PTPRG: variants seen among roughly 807,000 people sequenced by gnomAD.
The protein encoded by PTPRG is receptor-type tyrosine-protein phosphatase gamma.
Under a neutral mutation model 165.3 loss-of-function variants are expected in PTPRG, and 102 were observed. That is an observed-to-expected ratio of 0.62 (90% confidence interval 0.53 to 0.73). PTPRG has a LOEUF of 0.73. Ranked by LOEUF, PTPRG falls within the 30% of genes least tolerant of loss-of-function variation. The pLI, the probability that PTPRG is intolerant of heterozygous loss-of-function variation, is 0.00. For missense variants in PTPRG, 1,866 were observed against 1,861.4 expected (o/e 1.00, Z -0.05); for synonymous variants, 675 against 669.5 (o/e 1.01, Z -0.13).
chr3:61,712,428 C>T (rs1320455140), intron 1 of PTPRG, among the ~76,000 whole-genome samples: 1 of 152,002 alleles, frequency 6.6e-6, no homozygotes, highest in Non-Finnish European at 1.5e-5. Context: ...TCTGTATCTC[C>T]ACCCAAATCT....
At chr3:61,725,542 C>G (rs1362413711) in intron 1 of PTPRG, among the ~76,000 whole-genome samples, 2 of 152,164 alleles carry the variant, frequency 1.3e-5, no homozygotes, top group Non-Finnish European at 2.9e-5. Flanking sequence ...CTTCTGGGTT[C>G]TCTATTCTGT....
chr3:61,852,860 G>C (rs72882220), intron 2 of PTPRG, among the ~76,000 whole-genome samples: 3 of 152,166 alleles, frequency 2.0e-5, no homozygotes, highest in Non-Finnish European at 4.4e-5. Flanking sequence ...TCAGTAACGC[G>C]TATGGACATA....
At chr3:61,623,986 C>T (rs1422497642) in intron 1 of PTPRG, among the ~76,000 whole-genome samples, 1 of 152,200 alleles carries the variant, frequency 6.6e-6, no homozygotes, top group African/African-American at 2.4e-5. Flanking sequence ...CTCACTGCCT[C>T]CTTGCATTCA....
At chr3:62,138,101 T>A (rs949941182) in intron 6 of PTPRG, among the ~76,000 whole-genome samples, 3 of 152,230 alleles carry the variant, frequency 2.0e-5, no homozygotes, top group Non-Finnish European at 4.4e-5. Context: ...TAGCAGTTCC[T>A]GGGCCAAATG....
At chr3:61,598,097 G>C (rs11721138) in intron 1 of PTPRG, among the ~76,000 whole-genome samples, 13,361 of 152,208 alleles carry the variant, frequency 0.088, 647 homozygotes, top group Middle Eastern at 0.13. Flanking sequence ...AGGGTTGACC[G>C]GTCTCAGTGG....
rs545837217 is a variant in PTPRG, at chr3:62,140,556, G to A, written c.682+7888G>A. ...CATAGTGATGAAAGTCAGAACAGTG[G>A]GGAGGAGGGGCCGGGTGCAATGGTT... On this transcript the variant is annotated intron_variant, in intron 6 of 29. Coordinates refer to ENST00000474889, the MANE Select transcript of PTPRG (RefSeq NM_002841.4). Among the ~76,000 whole-genome samples the A allele has an allele frequency of 1.1e-4, 17 of 152,222 alleles. 1 individual carries two copies. The East Asian group carries it at 3.3e-3, about 29-fold the overall frequency.
At chr3:62,076,992 C>T (rs1701410173) in intron 4 of PTPRG, among the ~76,000 whole-genome samples, 1 of 152,112 alleles carries the variant, frequency 6.6e-6, no homozygotes, top group Admixed American at 6.5e-5. Context: ...CTAGTCAGGC[C>T]CAGTGGCTCA....
At chr3:61,821,351 A>G (rs2035950701) in intron 2 of PTPRG, among the ~76,000 whole-genome samples, 1 of 151,942 alleles carries the variant, frequency 6.6e-6, no homozygotes, top group Non-Finnish European at 1.5e-5. Flanking sequence ...TTGTATTTTT[A>G]GTAGAGACGG....
At chr3:61,763,540 A>T (rs115770552) in intron 2 of PTPRG, among the ~76,000 whole-genome samples, 150,211 of 150,222 alleles carry the variant, frequency 1, 75,100 homozygotes, top group Middle Eastern at 1. Context: ...TAATTTTTGT[A>T]TTTCTCCTTC....
At chr3:62,116,767 T>C (rs1404224748) in intron 5 of PTPRG, among the ~76,000 whole-genome samples, 1 of 152,118 alleles carries the variant, frequency 6.6e-6, no homozygotes, top group Non-Finnish European at 1.5e-5. Context: ...CAATGAAAAA[T>C]AAAGATAACA....
At chr3:62,292,626 T>C (rs1223592567) in intron 29 of PTPRG, 70 bp downstream of exon 29, 3 of 1,542,032 alleles carry the variant, frequency 1.9e-6, no homozygotes, top group Non-Finnish European at 2.6e-6. Context: ...TTTAGAGCAG[T>C]AGTTCTCAAT....
At chr3:62,155,558 TATA>T (rs1464221383) in intron 6 of PTPRG, among the ~76,000 whole-genome samples, 1 of 152,230 alleles carries the variant, frequency 6.6e-6, no homozygotes, top group Non-Finnish European at 1.5e-5. Flanking sequence ...GCCTCTTGCA[TATA>T]ATAAGTGCTG....
chr3:61,592,303 G>C (rs1456990082), intron 1 of PTPRG, among the ~76,000 whole-genome samples: 1 of 152,140 alleles, frequency 6.6e-6, no homozygotes, highest in Non-Finnish European at 1.5e-5. Flanking sequence ...CTGTATGTCA[G>C]TTCCTAGTTT....
chr3:61,917,895 G>C (rs568233248), intron 2 of PTPRG, among the ~76,000 whole-genome samples: 1 of 152,164 alleles, frequency 6.6e-6, no homozygotes, highest in Non-Finnish European at 1.5e-5. Flanking sequence ...TCACGCCGCT[G>C]CGATCTAGCC....
chr3:61,601,456 G>A (rs1700865965), intron 1 of PTPRG, among the ~76,000 whole-genome samples: 1 of 152,174 alleles, frequency 6.6e-6, no homozygotes, highest in Non-Finnish European at 1.5e-5. Context: ...GAGGAAAATT[G>A]CAACATTATA....
At chr3:61,573,060 G>A (rs1700094795) in intron 1 of PTPRG, among the ~76,000 whole-genome samples, 1 of 152,246 alleles carries the variant, frequency 6.6e-6, no homozygotes, top group South Asian at 2.1e-4. Context: ...TCTCCTGGCT[G>A]TGTCGTTTTC....
rs545388667 is a variant in PTPRG, at chr3:62,252,702, T to C, written c.2468-2422T>C. Among the ~76,000 whole-genome samples the C allele has an allele frequency of 1.3e-5, 2 of 152,202 alleles. No individual in the cohort carries two copies. The highest frequency in any genetic ancestry group is 6.5e-5 in the Admixed American group (1 of 15,276). On this transcript the variant is annotated intron_variant, in intron 15 of 29. Transcript: ENST00000474889. The surrounding 1 kb of genome is among the most constrained non-coding windows in gnomAD (Gnocchi z 4.6). ...TTGAGAGAATGTAATAGAAAAATTA[T>C]GAGAATGATTAGAATAATTAGTCAT...
At chr3:61,646,295 G>C (rs982641166) in intron 1 of PTPRG, among the ~76,000 whole-genome samples, 3 of 152,112 alleles carry the variant, frequency 2.0e-5, no homozygotes, top group Admixed American at 6.6e-5. Flanking sequence ...ATTTTTGGTA[G>C]AGAAGAGGTT....
intron 3 of PTPRG, among the ~76,000 whole-genome samples, chr3:61,996,823 G>T (rs1003850784): frequency 6.6e-5 from 10 of 152,032 alleles, no homozygotes; most frequent in African/African-American, 2.4e-4. Context: ...ATTTCACTGG[G>T]TCACTCTTTG....
Sources: allele counts gnomAD v4.1 joint callset (sites outside exome capture counted in the v4.1 genomes callset), GRCh38; gene constraint gnomAD v4.1.1; non-coding constraint Gnocchi (gnomAD v3.1); transcripts MANE v1.5; gene names NCBI Gene and HGNC (gene_info 2026-07-23, HGNC 2026-07-21).